The following SPAG16 variants were observed in gnomAD, a reference collection of about 807,000 sequenced individuals.
The protein encoded by SPAG16 is sperm associated antigen 16, also known as sperm-associated antigen 16 protein.
In SPAG16, 86 loss-of-function variants were observed where a neutral mutation model predicts 80.4. That is an observed-to-expected ratio of 1.07 (90% CI 0.90 to 1.28). The LOEUF (loss-of-function observed/expected upper bound fraction) is 1.28, where lower values mean the gene tolerates loss of function less well. SPAG16 is among the 50% of genes most tolerant of loss of function. SPAG16 has a pLI of 0.00. For synonymous variants in SPAG16, 294 were observed against 265.9 expected, an observed-to-expected ratio of 1.11 and a Z score of -1.03; for missense variants, 870 against 765.3, an observed-to-expected ratio of 1.14 and a Z score of -1.61.
At chr2:213,828,107 GTC>G (rs1209261368) in intron 10 of SPAG16, among the ~76,000 whole-genome samples, 1 of 151,842 alleles carries the variant, frequency 6.6e-6, no homozygotes, top group African/African-American at 2.4e-5. Context: ...TTTCTACCCC[GTC>G]TCTCTCTTTC....
intron 10 of SPAG16, among the ~76,000 whole-genome samples, chr2:213,609,546 T>C (rs930531590): frequency 1.3e-5 from 2 of 152,216 alleles, no homozygotes; most frequent in African/African-American, 4.8e-5. Context: ...CTTGCACTCA[T>C]GAACAGCAAT....
At chr2:213,664,846 C>T (rs1470904102) in intron 10 of SPAG16, among the ~76,000 whole-genome samples, 2 of 152,038 alleles carry the variant, frequency 1.3e-5, no homozygotes, top group East Asian at 3.8e-4. Context: ...CATATATACA[C>T]ACACATATTC....
intron 9 of SPAG16, among the ~76,000 whole-genome samples, chr2:213,385,319 A>G (rs865996955): frequency 1.7e-4 from 26 of 152,280 alleles, no homozygotes; most frequent in Middle Eastern, 6.8e-3. Flanking sequence ...CTAGCTTCAC[A>G]TAAATACCAG....
At chr2:213,376,150 C>T (rs1367291553) in intron 9 of SPAG16, among the ~76,000 whole-genome samples, 4 of 151,572 alleles carry the variant, frequency 2.6e-5, no homozygotes, top group South Asian at 2.1e-4. Flanking sequence ...TATAGATTAT[C>T]GTATGTGAGG....
intron 10 of SPAG16, among the ~76,000 whole-genome samples, chr2:213,838,546 GTCACA>G (rs1267646088): frequency 6.6e-6 from 1 of 152,174 alleles, no homozygotes; most frequent in African/African-American, 2.4e-5. Context: ...GCAGAACTCT[GTCACA>G]TCAAGAGACA....
At chr2:214,035,473 T>C (rs1392274753) in intron 13 of SPAG16, among the ~76,000 whole-genome samples, 1 of 152,214 alleles carries the variant, frequency 6.6e-6, no homozygotes, top group East Asian at 1.9e-4. Context: ...CTCACATACT[T>C]GTTGGTGCCC....
intron 12 of SPAG16, among the ~76,000 whole-genome samples, chr2:214,011,764 T>A (rs1367564540): frequency 6.6e-6 from 1 of 152,178 alleles, no homozygotes; most frequent in Non-Finnish European, 1.5e-5. Context: ...TCCAAATACT[T>A]ATTACTGTAA....
chr2:213,863,541 A>T (rs1206911568), intron 11 of SPAG16, among the ~76,000 whole-genome samples: 1 of 152,154 alleles, frequency 6.6e-6, no homozygotes, highest in African/African-American at 2.4e-5. Context: ...AATCTTTCCA[A>T]AATATAATTT....
At chr2:214,058,358 A>T (rs186507825) in intron 13 of SPAG16, among the ~76,000 whole-genome samples, 3 of 152,222 alleles carry the variant, frequency 2.0e-5, no homozygotes, top group Admixed American at 2.0e-4. Context: ...AAGGAGAGGG[A>T]AGAGAGATGG....
chr2:214,387,847 G>A (rs1700847064), intron 15 of SPAG16, among the ~76,000 whole-genome samples: 1 of 152,120 alleles, frequency 6.6e-6, no homozygotes, highest in Non-Finnish European at 1.5e-5. Flanking sequence ...CCACCCTCAT[G>A]ATTCAGTGAT....
chr2:213,981,676 G>C (rs998961115), intron 12 of SPAG16, among the ~76,000 whole-genome samples: 5 of 151,962 alleles, frequency 3.3e-5, no homozygotes, highest in African/African-American at 9.7e-5. Flanking sequence ...TAGAGGGTCA[G>C]ATTGGTTTTA....
chr2:213,881,275 G>T (rs989745545), intron 11 of SPAG16, among the ~76,000 whole-genome samples: 6 of 152,032 alleles, frequency 3.9e-5, no homozygotes, highest in Admixed American at 3.9e-4. Context: ...GCACATTATT[G>T]GTGTATAGGA....
intron 12 of SPAG16, among the ~76,000 whole-genome samples, chr2:213,937,962 C>T (rs1284000333): frequency 1.3e-5 from 2 of 151,920 alleles, no homozygotes; most frequent in East Asian, 3.9e-4. Flanking sequence ...AATGCTATTA[C>T]ATATCAATGA....
chr2:213,552,207 C>T (rs749861684), intron 10 of SPAG16, among the ~76,000 whole-genome samples: 30 of 152,176 alleles, frequency 2.0e-4, no homozygotes, highest in Non-Finnish European at 4.0e-4. Context: ...TTGCTCCCTG[C>T]TTTAGTATAC....
At chr2:214,248,977 C>G (rs1690054782) in intron 15 of SPAG16, among the ~76,000 whole-genome samples, 4 of 152,038 alleles carry the variant, frequency 2.6e-5, no homozygotes, top group Admixed American at 2.6e-4. Context: ...TTTTGGCATA[C>G]TTGAAAAACA....
At chr2:214,164,927 T>C (rs1163288416) in intron 15 of SPAG16, among the ~76,000 whole-genome samples, 1 of 152,126 alleles carries the variant, frequency 6.6e-6, no homozygotes, top group East Asian at 1.9e-4. Context: ...ATGAAAAATT[T>C]TGTAAACTAC....
chr2:214,075,784 A>G (rs889946560), intron 13 of SPAG16, among the ~76,000 whole-genome samples: 2 of 152,166 alleles, frequency 1.3e-5, no homozygotes, highest in Admixed American at 6.5e-5. Context: ...TTGTAGCGCT[A>G]TATGACTTCA....
intron 11 of SPAG16, among the ~76,000 whole-genome samples, chr2:213,920,528 G>T (rs1426874148): frequency 6.6e-6 from 1 of 152,176 alleles, no homozygotes; most frequent in Non-Finnish European, 1.5e-5. Context: ...GAATAGGCAG[G>T]CTGGTGTGTG....
At chr2:214,399,656 G>C (rs1335080000) in intron 15 of SPAG16, among the ~76,000 whole-genome samples, 1 of 151,792 alleles carries the variant, frequency 6.6e-6, no homozygotes, top group Admixed American at 6.6e-5. Context: ...CAATACTAAG[G>C]GTGGTTTTAT....
Sources: gnomAD v4.1 joint callset for allele counts (sites outside exome capture counted in the v4.1 genomes callset) on GRCh38, gnomAD v4.1.1 for gene constraint, MANE v1.5 for transcripts, NCBI Gene and HGNC (gene_info 2026-07-23, HGNC 2026-07-21) for gene names.